Variants in ABCA8 observed in about 807,000 individuals in gnomAD.
ABCA8 encodes ATP binding cassette subfamily A member 8, also known as ABC-type organic anion transporter ABCA8.
ABCA8 carries 177 observed loss-of-function variants against 192.3 expected under a neutral mutation model. That is an observed-to-expected ratio of 0.92 (90% CI 0.81 to 1.04). ABCA8 has a LOEUF of 1.04. ABCA8 is among the 50% of genes least tolerant of loss of function. The pLI, the probability that ABCA8 is intolerant of heterozygous loss-of-function variation, is 0.00. For missense variants in ABCA8, 1,915 were observed against 1,904.8 expected, an observed-to-expected ratio of 1.01 and a Z score of -0.10; for synonymous variants, 642 against 690.2, an observed-to-expected ratio of 0.93 and a Z score of 1.09.
intron 3 of ABCA8, 32 bp downstream of exon 3, chr17:68,941,907 A>T (rs1214771650): frequency 6.8e-7 from 1 of 1,481,258 alleles, no homozygotes; most frequent in African/African-American, 1.4e-5. Flanking sequence ...TTCCTATCAT[A>T]AATAGAGAAT....
chr17:68,876,298 A>C, intron 35 of ABCA8, 162 bp downstream of exon 35: 25 of 753,784 alleles, frequency 3.3e-5, no homozygotes, highest in Non-Finnish European at 4.5e-5. Flanking sequence ...ATCATCAGGG[A>C]AAGATCTTTT....
intron 18 of ABCA8, among the ~76,000 whole-genome samples, chr17:68,907,221 ATATGTCTTTGT>A (rs1364289703): frequency 2.0e-5 from 3 of 152,180 alleles, no homozygotes; most frequent in Non-Finnish European, 4.4e-5. Flanking sequence ...GAATGAATGT[ATATGTCTTTGT>A]TAACCACATA....
chr17:68,916,828 G>T (rs1412540393), intron 17 of ABCA8, among the ~76,000 whole-genome samples: 1 of 152,090 alleles, frequency 6.6e-6, no homozygotes, highest in Non-Finnish European at 1.5e-5. Flanking sequence ...CTGTGTTGCA[G>T]ATATATATTT....
At chr17:68,928,119 C>G (rs974271089) in intron 9 of ABCA8, 56 bp from the exon 10 acceptor site, 2 of 1,415,116 alleles carry the variant, frequency 1.4e-6, no homozygotes, top group African/African-American at 2.9e-5. Context: ...ACATTTTAAA[C>G]AGTTAGGTTT....
rs766463467 is a variant in ABCA8 at position 68,906,081 on chromosome 17, G to T, written c.2361C>A (p.Phe787Leu). The T allele has an allele frequency of 1.3e-6, 2 of 1,597,744 alleles. No homozygotes were observed. Among genetic ancestry groups the T allele is most frequent in the South Asian group, 2.3e-5 (2 of 88,196 alleles). The change falls in exon 19 of 40, where the codon TTC becomes TTA. Residue 787 changes from phenylalanine (F) to leucine (L), a missense_variant. Coordinates refer to ENST00000586539, the MANE Select transcript of ABCA8 (RefSeq NM_001288985.2). ...GVSMTTLNEV[F>L]LKLEGKSTIN... The stretch of plus-strand genomic sequence containing the variant: ...TTGTAGATTTTCCTTCTAGCTTCAG[G>T]AATACTTCATTCAAAGTTGTCATGG...
intron 37 of ABCA8, 116 bp from the exon 38 acceptor site, chr17:68,869,895 CAT>C: frequency 2.9e-6 from 2 of 696,896 alleles, no homozygotes; most frequent in Non-Finnish European, 2.5e-6. Context: ...GAACATTTAA[CAT>C]GAGATCTACC....
At chr17:68,945,581 G>A (rs981141088) in intron 2 of ABCA8, among the ~76,000 whole-genome samples, 1 of 152,044 alleles carries the variant, frequency 6.6e-6, no homozygotes, top group African/African-American at 2.4e-5. Context: ...TCAAGTATTT[G>A]TCAAGAGTAC....
At chr17:68,893,396 C>A (rs991181643) in intron 23 of ABCA8, among the ~76,000 whole-genome samples, 2 of 152,150 alleles carry the variant, frequency 1.3e-5, no homozygotes, top group East Asian at 1.9e-4. Context: ...CTTTCACCAC[C>A]CCCATGAGGA....
intron 37 of ABCA8, among the ~76,000 whole-genome samples, chr17:68,870,390 CTG>C (rs1437387718): frequency 2.0e-5 from 3 of 152,182 alleles, no homozygotes; most frequent in Non-Finnish European, 4.4e-5. Context: ...TCCCCTGCCA[CTG>C]TGTTTGGGGT....
intron 17 of ABCA8, among the ~76,000 whole-genome samples, chr17:68,915,197 G>A (rs2067323932): frequency 6.6e-6 from 1 of 151,960 alleles, no homozygotes; most frequent in Non-Finnish European, 1.5e-5. Flanking sequence ...AGAAAACATT[G>A]GGGAAACTTC....
chr17:68,941,261 T>A (rs930407211), intron 3 of ABCA8, among the ~76,000 whole-genome samples: 1 of 152,132 alleles, frequency 6.6e-6, no homozygotes, highest in African/African-American at 2.4e-5. Flanking sequence ...AGGGATAGTA[T>A]CTTCGTTAGT....
intron 2 of ABCA8, among the ~76,000 whole-genome samples, chr17:68,948,154 A>G (rs1386510828): frequency 2.6e-5 from 4 of 152,200 alleles, no homozygotes; most frequent in Admixed American, 1.3e-4. Context: ...ATTGTTGGGC[A>G]TTTGGGTTGG....
Position 68,929,093 on chromosome 17 carries a change from A to C in ABCA8, c.1081T>G (p.Leu361Val), listed in dbSNP as rs1277904170. The C allele has an allele frequency of 3.7e-6, 6 of 1,601,170 alleles. No homozygotes were observed. The highest frequency in any genetic ancestry group is 5.1e-6 in the Non-Finnish European group (6 of 1,173,080). Residue 361 changes from leucine (L) to valine (V), a missense_variant, in exon 9 of 40, where the codon TTA (leucine) becomes GTA (valine). Physicochemically the swap from Leu to Val is conservative, Grantham distance 32. Coordinates refer to ENST00000586539, the MANE Select transcript of ABCA8 (RefSeq NM_001288985.2). ...AAGGCAAAGGGACTAAGCAAGCTTA[A>C]AATCCACTCCAAGGATGCAGGAAGG... ...RHLPASLEWI[L>V]SLLSPFAFML...
chr17:68,907,955 C>A, intron 17 of ABCA8, 76 bp from the exon 18 acceptor site: 1 of 1,243,394 alleles, frequency 8.0e-7, no homozygotes, highest in Non-Finnish European at 1.1e-6. Context: ...ATTAACTAGT[C>A]TCTATAGGAC....
chr17:68,918,298 G>C, intron 15 of ABCA8, 113 bp from the exon 16 acceptor site: 1 of 1,479,320 alleles, frequency 6.8e-7, no homozygotes, highest in South Asian at 1.3e-5. Flanking sequence ...TTAGGATTTA[G>C]ATACTCTATT....
intron 21 of ABCA8, among the ~76,000 whole-genome samples, chr17:68,901,737 G>A (rs916165875): frequency 6.6e-6 from 1 of 151,530 alleles, no homozygotes; most frequent in African/African-American, 2.4e-5. Context: ...GAATCTGGGA[G>A]GCGGAGGTTG....
intron 4 of ABCA8, among the ~76,000 whole-genome samples, chr17:68,940,381 C>T (rs2068190772): frequency 6.6e-6 from 1 of 152,094 alleles, no homozygotes; most frequent in African/African-American, 2.4e-5. Flanking sequence ...CAAGAAAACA[C>T]TACAGCAACG....
intron 11 of ABCA8, among the ~76,000 whole-genome samples, chr17:68,924,382 A>C (rs2143651176): frequency 6.6e-6 from 1 of 152,166 alleles, no homozygotes; most frequent in Non-Finnish European, 1.5e-5. Flanking sequence ...GGTGGGGACA[A>C]AGAGTGAATA....
At chr17:68,895,875 GC>G (rs1416179121) in intron 21 of ABCA8, among the ~76,000 whole-genome samples, 2 of 152,044 alleles carry the variant, frequency 1.3e-5, no homozygotes, top group Admixed American at 1.3e-4. Flanking sequence ...GGAATAAGAG[GC>G]CCAAAACACC....
Sources: allele counts gnomAD v4.1 joint callset (sites outside exome capture counted in the v4.1 genomes callset), GRCh38; gene constraint gnomAD v4.1.1; transcripts MANE v1.5; gene names NCBI Gene and HGNC (gene_info 2026-07-23, HGNC 2026-07-21).